CLIP1: variants seen among roughly 807,000 people sequenced by gnomAD.
The protein encoded by CLIP1 is CAP-Gly domain containing linker protein 1, also known as CAP-Gly domain-containing linker protein 1.
CLIP1 carries 66 observed loss-of-function variants against 161.6 expected under a neutral mutation model. The ratio of observed to expected loss-of-function variants is 0.41; its 90% CI spans 0.33 to 0.50. The LOEUF (loss-of-function observed/expected upper bound fraction) is 0.50, where lower values mean the gene tolerates loss of function less well. Ranked by LOEUF, CLIP1 falls within the 20% of genes least tolerant of loss-of-function variation. CLIP1 has a pLI of 0.27. For missense variants in CLIP1, 1,376 were observed against 1,702.0 expected, an observed-to-expected ratio of 0.81 and a Z score of 3.37; for synonymous variants, 598 against 626.2, an observed-to-expected ratio of 0.96 and a Z score of 0.67.
rs2057825657 is a variant in CLIP1, at chr12:122,377,760, T to C, written c.286A>G (p.Ile96Val). Residue 96 changes from isoleucine to valine, a missense_variant, in exon 3 of 26, where the codon ATA becomes GTA. Physicochemically the swap from Ile to Val is conservative, Grantham distance 29. Transcript: ENST00000620786. The stretch of plus-strand genomic sequence containing the variant: ...GCCACCGAACCATCGTTCTTGCCTA[T>C]GGGTTCATCTAAAACAATTCCAGCC... ...QWAGIVLDEP[I>V]GKNDGSVAGV... 6.2e-7 allele frequency: 1 copy of C among 1,613,882 alleles called. No homozygotes were observed. Among genetic ancestry groups the C allele is most frequent in the Non-Finnish European group, 8.5e-7 (1 of 1,180,010 alleles).
At chr12:122,385,036 G>A (rs968858288) in intron 1 of CLIP1, among the ~76,000 whole-genome samples, 4 of 150,820 alleles carry the variant, frequency 2.7e-5, no homozygotes, top group African/African-American at 9.8e-5. Flanking sequence ...AGGTTCAAGC[G>A]ATTCTCCTGC....
chr12:122,319,274 G>C lies in CLIP1; in HGVS notation c.3324C>G (p.Ser1108=), dbSNP rs1478842339. ...MTKEKTETLA[S]LEDTKQTNAK... is the part of the protein sequence containing the mutation. Reference sequence around the variant, plus strand: ...CATTTGTTTGCTTGGTGTCCTCCAAGGAGGCCAGAGTCTCAGTCTTCTCTT... The same window carrying C: ...CATTTGTTTGCTTGGTGTCCTCCAACGAGGCCAGAGTCTCAGTCTTCTCTT... Residue 1108 remains serine (S), a synonymous_variant, in exon 18 of 26, where the codon TCC becomes TCG. Coordinates refer to ENST00000620786, the MANE Select transcript of CLIP1 (RefSeq NM_001247997.2). 2 of 1,613,966 alleles carry C rather than the reference G, an allele frequency of 1.2e-6. No homozygotes were observed. The highest frequency in any genetic ancestry group is 3.3e-5 in the Admixed American group (2 of 60,008).
intron 21 of CLIP1, among the ~76,000 whole-genome samples, chr12:122,286,848 T>G (rs1178405664): frequency 6.6e-6 from 1 of 151,716 alleles, no homozygotes; most frequent in Non-Finnish European, 1.5e-5. Flanking sequence ...AATACAAAAA[T>G]TTAGCCGGGT....
chr12:122,407,871 G>C (rs1368608960), intron 1 of CLIP1, among the ~76,000 whole-genome samples: 1 of 149,402 alleles, frequency 6.7e-6, no homozygotes. Flanking sequence ...AAAAGCAAAA[G>C]CATACCAAAA....
intron 9 of CLIP1, among the ~76,000 whole-genome samples, chr12:122,349,607 TG>T (rs1022907794): frequency 7.9e-5 from 12 of 152,298 alleles, no homozygotes; most frequent in Non-Finnish European, 1.0e-4. Flanking sequence ...ACAGTAAAAA[TG>T]TGACACTGAA....
At position 122,384,269 on chromosome 12, in the gene CLIP1, G is replaced by T. The variant is rs2136881055; in HGVS notation, c.-106-3711C>A. The stretch of plus-strand genomic sequence containing the variant: ...AAACTTAGGAGATAGCACTCATCAA[G>T]ATGAAAAACATCAGTTCTGCTACTA... On this transcript the variant is annotated intron_variant, in intron 1 of 25. Coordinates refer to ENST00000620786, the MANE Select transcript of CLIP1 (RefSeq NM_001247997.2). Among the ~76,000 whole-genome samples, 2 of 152,184 alleles carry T rather than the reference G, an allele frequency of 1.3e-5. 1 individual carries two copies.
chr12:122,393,163 CTTG>C (rs1187264001), intron 1 of CLIP1, among the ~76,000 whole-genome samples: 1 of 140,930 alleles, frequency 7.1e-6, no homozygotes, highest in Non-Finnish European at 1.5e-5. Context: ...GATTGGCAAT[CTTG>C]TTTTTTTTTT....
chr12:122,328,879 G>A lies in CLIP1; in HGVS notation c.2868-453C>T, dbSNP rs552766649. On this transcript the variant is annotated intron_variant, in intron 15 of 25. Coordinates refer to ENST00000620786, the MANE Select transcript of CLIP1 (RefSeq NM_001247997.2). ...TACAGGCGTGAGCCACCATGCCTGG[G>A]CACAAGAAATTTTAAAATGCTTTGC... 3.9e-5 allele frequency among the ~76,000 whole-genome samples: 6 copies of A among 152,196 alleles called. 1 individual carries two copies. The highest frequency in any genetic ancestry group is 1.4e-4 in the African/African-American group (6 of 41,530).
intron 20 of CLIP1, among the ~76,000 whole-genome samples, chr12:122,295,290 A>C (rs978412716): frequency 7.9e-5 from 12 of 151,690 alleles, no homozygotes; most frequent in African/African-American, 2.2e-4. Flanking sequence ...GAATCGCTTG[A>C]ACCCAGGAGG....
chr12:122,361,677 G>A (rs1281717748), intron 4 of CLIP1, among the ~76,000 whole-genome samples: 2 of 152,082 alleles, frequency 1.3e-5, no homozygotes, highest in South Asian at 2.1e-4. Context: ...ACCAGCCAGG[G>A]CAATATGGAC....
intron 10 of CLIP1, among the ~76,000 whole-genome samples, chr12:122,344,991 A>G (rs1325185695): frequency 1.8e-5 from 1 of 55,940 alleles, no homozygotes; most frequent in African/African-American, 9.5e-5. Context: ...TATCTAGAGC[A>G]GGAAAAAAAA....
chr12:122,363,489 C>T (rs565240796), intron 4 of CLIP1, among the ~76,000 whole-genome samples: 24 of 149,202 alleles, frequency 1.6e-4, no homozygotes, highest in African/African-American at 5.9e-4. Flanking sequence ...GACAGAGGCC[C>T]TGTCTCAAAA....
chr12:122,337,791 G>T (rs929051618), intron 11 of CLIP1, among the ~76,000 whole-genome samples: 1 of 151,036 alleles, frequency 6.6e-6, no homozygotes, highest in African/African-American at 2.4e-5. Flanking sequence ...AGAGGTGGGC[G>T]GATCACGAAG....
intron 11 of CLIP1, among the ~76,000 whole-genome samples, chr12:122,338,543 C>G (rs1216084749): frequency 2.0e-5 from 3 of 151,900 alleles, no homozygotes; most frequent in African/African-American, 4.8e-5. Flanking sequence ...ATGGTGAAAC[C>G]CTCTCTCTAT....
At chr12:122,370,970 G>A (rs66647327) in intron 3 of CLIP1, among the ~76,000 whole-genome samples, 3,225 of 74,772 alleles carry the variant, frequency 0.043, 127 homozygotes, top group East Asian at 0.077. Context: ...AAAAAAAAAA[G>A]AAAAAAAAAA....
intron 19 of CLIP1, among the ~76,000 whole-genome samples, chr12:122,312,894 A>C (rs1951112690): frequency 6.6e-6 from 1 of 152,218 alleles, no homozygotes; most frequent in Admixed American, 6.5e-5. Context: ...TAAACCACGG[A>C]AGAAGTAAGC....
chr12:122,347,310 T>C, intron 10 of CLIP1, 65 bp downstream of exon 10: 1 of 1,198,356 alleles, frequency 8.3e-7, no homozygotes, highest in Non-Finnish European at 1.2e-6. Context: ...CTATAAAGCA[T>C]GTCACCTGAG....
intron 3 of CLIP1, among the ~76,000 whole-genome samples, chr12:122,369,939 G>A (rs1954352264): frequency 6.6e-6 from 1 of 151,976 alleles, no homozygotes; most frequent in Non-Finnish European, 1.5e-5. Context: ...AAGGCAGACA[G>A]ATCATTTGAG....
intron 20 of CLIP1, among the ~76,000 whole-genome samples, chr12:122,291,562 C>T (rs781072347): frequency 2.0e-5 from 3 of 152,082 alleles, no homozygotes; most frequent in Non-Finnish European, 4.4e-5. Context: ...TTTTCTAGAA[C>T]GTCAGTTTGG....
Sources: allele counts gnomAD v4.1 joint callset (sites outside exome capture counted in the v4.1 genomes callset), GRCh38; gene constraint gnomAD v4.1.1; transcripts MANE v1.5; gene names NCBI Gene and HGNC (gene_info 2026-07-23, HGNC 2026-07-21).